KDM6A: variants seen among roughly 807,000 people sequenced by gnomAD.
KDM6A encodes the protein lysine demethylase 6A.
A neutral mutation model predicts 117.6 loss-of-function variants in KDM6A; 11 were observed. The ratio of observed to expected loss-of-function variants is 0.09; its 90% confidence interval spans 0.06 to 0.15. KDM6A has a LOEUF of 0.15. Ranked by LOEUF, KDM6A falls within the 10% of genes least tolerant of loss-of-function variation. The pLI is 1.00. For missense variants in KDM6A, 799 were observed against 1,077.3 expected, an observed-to-expected ratio of 0.74 and a Z score of 3.62; for synonymous variants, 384 against 396.1, an observed-to-expected ratio of 0.97 and a Z score of 0.36.
intron 5 of KDM6A, among the ~76,000 whole-genome samples, chrX:45,015,884 C>T (rs908724387): frequency 9.0e-6 from 1 of 111,481 alleles, no homozygotes; most frequent in Admixed American, 9.5e-5. Context: ...AAACATAAAT[C>T]TTGCAATAGG....
intron 28 of KDM6A, among the ~76,000 whole-genome samples, chrX:45,107,837 A>G (rs912564193): frequency 8.9e-6 from 1 of 111,814 alleles, no homozygotes; most frequent in Non-Finnish European, 1.9e-5. Context: ...CTAGATGTAC[A>G]CAGATGCCAA....
At chrX:44,930,169 C>T (rs1238082362) in intron 2 of KDM6A, among the ~76,000 whole-genome samples, 1 of 110,255 alleles carries the variant, frequency 9.1e-6, no homozygotes, top group East Asian at 2.8e-4. Context: ...CCTTTTTCCC[C>T]CTATTTTGAG....
rs1296089366 is a variant in KDM6A at position 44,975,304 on chromosome X, G to GT, written c.384+600dup. Reference sequence around the variant, plus strand: ...TACTTTTAAGTTTATTGAGCAGTGAGTTTTTTTTTTTAAATCTGAATTGCT... The same window carrying GT: ...TACTTTTAAGTTTATTGAGCAGTGAGTTTTTTTTTTTTAAATCTGAATTGCT... On this transcript the variant is annotated intron_variant, in intron 4 of 29. Transcript: ENST00000611820. 2.2e-3 allele frequency among the ~76,000 whole-genome samples: 233 copies of GT among 104,814 alleles called. 3 individuals carry two copies. The highest frequency in any genetic ancestry group is 6.2e-3 in the African/African-American group (179 of 29,097). The allele number at this position is 104,814 out of a possible 115,157, so 91.0% of individuals were successfully genotyped here.
At chrX:44,973,542 T>C (rs2039465137) in intron 3 of KDM6A, among the ~76,000 whole-genome samples, 1 of 111,994 alleles carries the variant, frequency 8.9e-6, no homozygotes, top group Admixed American at 9.5e-5. Context: ...GAAATAATTT[T>C]CCTTCAGAAT....
At chrX:45,072,866 A>AATATAT (rs35510523) in intron 18 of KDM6A, among the ~76,000 whole-genome samples, 12 of 105,429 alleles carry the variant, frequency 1.1e-4, no homozygotes, top group African/African-American at 3.5e-4. Context: ...AAAATATAAT[A>AATATAT]ATATATATAT....
rs1031678488 is a variant in KDM6A, at chrX:45,014,878, T to C, written c.443+3859T>C. Among the ~76,000 whole-genome samples the C allele has an allele frequency of 2.7e-5, 3 of 111,497 alleles. No individual in the cohort carries two copies. The Admixed American group carries it at 2.9e-4, about 11-fold the overall frequency. On this transcript the variant is annotated intron_variant, in intron 5 of 29. Coordinates refer to ENST00000611820, the MANE Select transcript of KDM6A (RefSeq NM_001291415.2). ...CCATTGATCAATATCAGAATGGTCT[T>C]ATGGCAGCAAATGTAAGAGATACTG...
rs763062635 is a variant in KDM6A at position 44,913,480 on chromosome X, T to G, written c.225+39493T>G. Among the ~76,000 whole-genome samples, 4 of 109,312 alleles carry G rather than the reference T, an allele frequency of 3.7e-5. No individual in the cohort carries two copies. The East Asian group carries it at 8.6e-4, about 24-fold the overall frequency. 94.9% of individuals were successfully genotyped at this position (109,312 alleles called of 115,157 possible). Reference sequence around the variant, plus strand: ...CGTCTGGCTAATTTTTTGTATTTTTTTTTGTAGAGACTGGGTTTCACCATG... The same window carrying G: ...CGTCTGGCTAATTTTTTGTATTTTTGTTTGTAGAGACTGGGTTTCACCATG... On this transcript the variant is annotated intron_variant, in intron 2 of 29. Coordinates refer to ENST00000611820, the MANE Select transcript of KDM6A (RefSeq NM_001291415.2).
At position 44,922,027 on chromosome X, in the gene KDM6A, CCTTTTTTTTTTTTTTTTT is replaced by C. The variant is rs1313448004; in HGVS notation, c.226-39256_226-39239del. ...ATGCTGATAAAATTCATTGTGTGTG[CCTTTTTTTTTTTTTTTTT>C]TTTTTTTTTTTTTTTTTTTAAGAGA... On this transcript the variant is annotated intron_variant, in intron 2 of 29. Transcript: ENST00000611820. 8.5e-4 allele frequency among the ~76,000 whole-genome samples: 32 copies of C among 37,713 alleles called. No individual in the cohort carries two copies. In the East Asian group the frequency reaches 0.012, roughly 14 times the overall value. The allele number at this position is 37,713 out of a possible 115,157, so 32.7% of individuals were successfully genotyped here.
intron 2 of KDM6A, among the ~76,000 whole-genome samples, chrX:44,930,297 A>G (rs995518371): frequency 9.0e-6 from 1 of 111,682 alleles, no homozygotes; most frequent in African/African-American, 3.2e-5. Context: ...ATTTTGATAA[A>G]GTCTAATTTA....
At chrX:44,908,744 C>G (rs1212044280) in intron 2 of KDM6A, among the ~76,000 whole-genome samples, 1 of 111,812 alleles carries the variant, frequency 8.9e-6, no homozygotes, top group Non-Finnish European at 1.9e-5. Context: ...GAGGCAAGGC[C>G]ACACTGCAGA....
At chrX:45,080,391 G>A (rs1229315460) in intron 21 of KDM6A, among the ~76,000 whole-genome samples, 1 of 111,759 alleles carries the variant, frequency 8.9e-6, no homozygotes, top group Non-Finnish European at 1.9e-5. Context: ...AAATCCTCTA[G>A]CACTATAATG....
intron 2 of KDM6A, among the ~76,000 whole-genome samples, chrX:44,938,364 G>A (rs972352356): frequency 8.9e-6 from 1 of 111,931 alleles, no homozygotes; most frequent in Admixed American, 9.5e-5. Flanking sequence ...GAGTGGTCTA[G>A]GTGGAAAATC....
chrX:44,886,160 C>T (rs747938512), intron 2 of KDM6A, among the ~76,000 whole-genome samples: 3 of 109,000 alleles, frequency 2.8e-5, no homozygotes, highest in Non-Finnish European at 3.8e-5. Context: ...CGGGTTCAAG[C>T]GATTCTTCTG....
intron 2 of KDM6A, among the ~76,000 whole-genome samples, chrX:44,899,224 C>CGT (rs572085670): frequency 0.14 from 7,062 of 49,114 alleles, 417 homozygotes; most frequent in Admixed American, 0.17. Context: ...TGTGTGTATG[C>CGT]GTGTGTGTGT....
chrX:45,101,411 ATT>A (rs912071782), intron 27 of KDM6A, among the ~76,000 whole-genome samples: 17 of 111,205 alleles, frequency 1.5e-4, no homozygotes, highest in African/African-American at 5.6e-4. Flanking sequence ...ATTACCTTCT[ATT>A]TTTTTAATTA....
At chrX:45,027,862 C>T (rs1335263754) in intron 6 of KDM6A, among the ~76,000 whole-genome samples, 1 of 108,655 alleles carries the variant, frequency 9.2e-6, no homozygotes, top group Non-Finnish European at 1.9e-5. Context: ...GGCGCGATCT[C>T]GGCTCACTGC....
At chrX:45,022,884 G>A (rs1195808624) in intron 6 of KDM6A, among the ~76,000 whole-genome samples, 3 of 111,978 alleles carry the variant, frequency 2.7e-5, no homozygotes, top group African/African-American at 9.7e-5. Flanking sequence ...GTTTCATCAA[G>A]GATTCATTTT....
At chrX:44,904,788 C>G (rs890036162) in intron 2 of KDM6A, among the ~76,000 whole-genome samples, 1 of 111,763 alleles carries the variant, frequency 8.9e-6, no homozygotes, top group Non-Finnish European at 1.9e-5. Context: ...TTCAAGTCTA[C>G]TGCAGAGCTG....
At chrX:44,933,367 A>C (rs768205224) in intron 2 of KDM6A, among the ~76,000 whole-genome samples, 11 of 99,897 alleles carry the variant, frequency 1.1e-4, no homozygotes, top group African/African-American at 4.2e-4. Flanking sequence ...TCCTGGGTTC[A>C]AGCGATTGTC....
Sources: gnomAD v4.1 joint callset for allele counts (sites outside exome capture counted in the v4.1 genomes callset) on GRCh38, gnomAD v4.1.1 for gene constraint, MANE v1.5 for transcripts, NCBI Gene and HGNC (gene_info 2026-07-23, HGNC 2026-07-21) for gene names.